The following NKAIN3 variants were observed in gnomAD, a reference collection of about 807,000 sequenced individuals.
NKAIN3 encodes the protein sodium/potassium-transporting ATPase subunit beta-1-interacting protein 3.
Under a neutral mutation model 30.2 loss-of-function variants are expected in NKAIN3, and 25 were observed. That is an observed-to-expected ratio of 0.83 (90% confidence interval 0.60 to 1.16). The LOEUF is 1.16. NKAIN3 is among the 50% of genes most tolerant of loss of function. NKAIN3 has a pLI of 0.00. For missense variants in NKAIN3, 225 were observed against 254.1 expected (o/e 0.89, Z 0.78); for synonymous variants, 91 against 89.6 (o/e 1.02, Z -0.09).
chr8:62,514,267 G>A (rs11783420), intron 1 of NKAIN3, among the ~76,000 whole-genome samples: 1 of 151,684 alleles, frequency 6.6e-6, no homozygotes, highest in Non-Finnish European at 1.5e-5. Context: ...ATAGATACTC[G>A]TTTTTTTTAA....
At chr8:62,707,471 A>T (rs1814569125) in intron 3 of NKAIN3, among the ~76,000 whole-genome samples, 1 of 152,050 alleles carries the variant, frequency 6.6e-6, no homozygotes, top group Non-Finnish European at 1.5e-5. Flanking sequence ...GCATTTCCTG[A>T]TCATTAGTGA....
chr8:62,260,476 A>G (rs1777262602), intron 1 of NKAIN3, among the ~76,000 whole-genome samples: 1 of 152,216 alleles, frequency 6.6e-6, no homozygotes, highest in South Asian at 2.1e-4. Flanking sequence ...CTTAGCTTCA[A>G]AAGGTCCTCA....
At chr8:62,345,492 CACACATATAT>C (rs376353177) in intron 1 of NKAIN3, among the ~76,000 whole-genome samples, 336 of 7,700 alleles carry the variant, frequency 0.044, 51 homozygotes, top group African/African-American at 0.077. Context: ...TGTATATATA[CACACATATAT>C]ACACATATAT....
chr8:62,436,275 C>A (rs1160492795), intron 1 of NKAIN3, among the ~76,000 whole-genome samples: 1 of 152,052 alleles, frequency 6.6e-6, no homozygotes, highest in Non-Finnish European at 1.5e-5. Context: ...TGTATTTTAC[C>A]GCAAATGTTA....
chr8:62,750,132 G>A (rs1183513437), intron 4 of NKAIN3, among the ~76,000 whole-genome samples: 2 of 151,958 alleles, frequency 1.3e-5, no homozygotes, highest in African/African-American at 4.8e-5. Context: ...CAAATAGAGG[G>A]GCAGCTTCGA....
intron 1 of NKAIN3, among the ~76,000 whole-genome samples, chr8:62,495,320 A>G (rs541136408): frequency 1.3e-5 from 2 of 152,258 alleles, no homozygotes; most frequent in South Asian, 4.1e-4. Flanking sequence ...TCAATATGCC[A>G]GTAAAAGGAA....
rs543438911 is a variant in NKAIN3, at chr8:62,302,615, GC to G, written c.54+53489del. ...GTTGGATTCTTGATAGTGAATTCTGGCTTTTCTTGTAGTGCCAGGACATAAA... is the reference window on the plus strand; with the variant it reads ...GTTGGATTCTTGATAGTGAATTCTGGTTTTCTTGTAGTGCCAGGACATAAA... On this transcript the variant is annotated intron_variant, in intron 1 of 6. Transcript: ENST00000623646. 1.8e-4 allele frequency among the ~76,000 whole-genome samples: 27 copies of G among 152,090 alleles called. No homozygotes were observed. The South Asian group carries it at 5.4e-3, about 30-fold the overall frequency.
rs184242899 is a variant in NKAIN3, at chr8:62,343,887, T to G, written c.54+94760T>G. 8.5e-5 allele frequency among the ~76,000 whole-genome samples: 13 copies of G among 152,260 alleles called. No individual in the cohort carries two copies. The East Asian group carries it at 2.3e-3, about 27-fold the overall frequency. On this transcript the variant is annotated intron_variant, in intron 1 of 6. Transcript: ENST00000623646. ...AAGTGAGTATAAAATTGCTGTAGTA[T>G]AGAGATCACATTTTGATTCTTTATG...
At chr8:62,347,140 A>G (rs72649377) in intron 1 of NKAIN3, among the ~76,000 whole-genome samples, 3,631 of 152,270 alleles carry the variant, frequency 0.024, 67 homozygotes, top group Non-Finnish European at 0.04. Context: ...TTTAATGTGA[A>G]GGCATCTACT....
At chr8:62,663,587 ATATCT>A (rs1380316119) in intron 3 of NKAIN3, among the ~76,000 whole-genome samples, 3 of 152,192 alleles carry the variant, frequency 2.0e-5, no homozygotes, top group Non-Finnish European at 4.4e-5. Context: ...ACTTTGTGTA[ATATCT>A]TATACTGACA....
At chr8:62,253,438 G>A (rs184384914) in intron 1 of NKAIN3, among the ~76,000 whole-genome samples, 14 of 152,196 alleles carry the variant, frequency 9.2e-5, no homozygotes, top group Non-Finnish European at 1.8e-4. Flanking sequence ...GGTGTGGTGA[G>A]TTGTGCCTCT....
rs527722002 is a variant in NKAIN3 at position 62,418,919 on chromosome 8, G to A, written c.55-160620G>A. On this transcript the variant is annotated intron_variant, in intron 1 of 6. Transcript: ENST00000623646. Reference sequence around the variant, plus strand: ...AAGGTTGTAGCTTCAAGTTTAATTGGACCCTTAATATGTTCTCTAGCAGAA... The same window carrying A: ...AAGGTTGTAGCTTCAAGTTTAATTGAACCCTTAATATGTTCTCTAGCAGAA... Among the ~76,000 whole-genome samples the A allele has an allele frequency of 8.2e-4, 125 of 152,210 alleles. 1 individual carries two copies. The highest frequency in any genetic ancestry group is 2.7e-3 in the East Asian group (14 of 5,160).
chr8:62,344,109 G>C (rs561385260), intron 1 of NKAIN3, among the ~76,000 whole-genome samples: 27 of 151,988 alleles, frequency 1.8e-4, no homozygotes, highest in Non-Finnish European at 3.8e-4. Flanking sequence ...GCCAGGCTGG[G>C]GGGTGGAGGG....
chr8:62,296,964 C>G (rs906219442), intron 1 of NKAIN3, among the ~76,000 whole-genome samples: 1 of 152,164 alleles, frequency 6.6e-6, no homozygotes. Flanking sequence ...CATTCTTTCT[C>G]ATTGTTCTTT....
chr8:62,256,503 A>G (rs369689450), intron 1 of NKAIN3, among the ~76,000 whole-genome samples: 1 of 152,208 alleles, frequency 6.6e-6, no homozygotes, highest in African/African-American at 2.4e-5. Context: ...CTATGATAGC[A>G]TGGAATCATC....
At chr8:62,474,954 A>T (rs1307578695) in intron 1 of NKAIN3, among the ~76,000 whole-genome samples, 1 of 152,218 alleles carries the variant, frequency 6.6e-6, no homozygotes, top group African/African-American at 2.4e-5. Flanking sequence ...AATTTAAGGT[A>T]GATCATGATA....
chr8:62,901,968 C>A (rs756037087), intron 4 of NKAIN3, among the ~76,000 whole-genome samples: 3 of 152,178 alleles, frequency 2.0e-5, no homozygotes, highest in Non-Finnish European at 4.4e-5. Context: ...TTGGCTAAGT[C>A]AGCTGCTCAG....
At chr8:62,761,838 T>C (rs1816673695) in intron 4 of NKAIN3, among the ~76,000 whole-genome samples, 2 of 152,184 alleles carry the variant, frequency 1.3e-5, no homozygotes, top group South Asian at 4.1e-4. Flanking sequence ...TAAATATCGG[T>C]ATGTGTTAAG....
intron 4 of NKAIN3, among the ~76,000 whole-genome samples, chr8:62,789,388 C>G (rs1181139335): frequency 6.6e-6 from 1 of 152,084 alleles, no homozygotes; most frequent in Non-Finnish European, 1.5e-5. Context: ...TATTTTGTAT[C>G]CTGAAACTTT....
Sources: gnomAD v4.1 joint callset for allele counts (sites outside exome capture counted in the v4.1 genomes callset) on GRCh38, gnomAD v4.1.1 for gene constraint, MANE v1.5 for transcripts, NCBI Gene and HGNC (gene_info 2026-07-23, HGNC 2026-07-21) for gene names.